The following ADAM23 variants were observed in gnomAD, a reference collection of about 807,000 sequenced individuals.
The protein encoded by ADAM23 is disintegrin and metalloproteinase domain-containing protein 23.
A neutral mutation model predicts 120.1 loss-of-function variants in ADAM23; 33 were observed. The ratio of observed to expected loss-of-function variants is 0.27; its 90% CI spans 0.21 to 0.37. ADAM23 has a LOEUF of 0.37. Ranked by LOEUF, ADAM23 falls within the 10% of genes least tolerant of loss-of-function variation. The pLI is 1.00. For missense variants in ADAM23, 862 were observed against 1,058.2 expected (o/e 0.81, Z 2.57); for synonymous variants, 367 against 375.2 (o/e 0.98, Z 0.25).
chr2:206,449,972 A>T (rs553034873), intron 2 of ADAM23, among the ~76,000 whole-genome samples: 2 of 152,296 alleles, frequency 1.3e-5, no homozygotes, highest in South Asian at 4.1e-4. Flanking sequence ...GAGAAGAGAG[A>T]GAAGTTTAAG....
At chr2:206,500,187 A>G (rs1432502719) in intron 3 of ADAM23, among the ~76,000 whole-genome samples, 3 of 152,232 alleles carry the variant, frequency 2.0e-5, no homozygotes, top group East Asian at 3.9e-4. Flanking sequence ...ATATCAGTGT[A>G]GATGATCTCG....
intron 3 of ADAM23, among the ~76,000 whole-genome samples, chr2:206,517,767 C>G (rs572133223): frequency 3.3e-5 from 5 of 152,148 alleles, no homozygotes; most frequent in Non-Finnish European, 7.3e-5. Flanking sequence ...TTTCTCATAT[C>G]TTCTCTAGTC....
intron 2 of ADAM23, among the ~76,000 whole-genome samples, chr2:206,467,355 A>G (rs1695561899): frequency 6.6e-6 from 1 of 152,266 alleles, no homozygotes; most frequent in Non-Finnish European, 1.5e-5. Flanking sequence ...AGGTACAGGC[A>G]TTTGGTAAAT....
At chr2:206,450,163 T>C (rs1695163357) in intron 2 of ADAM23, among the ~76,000 whole-genome samples, 1 of 152,212 alleles carries the variant, frequency 6.6e-6, no homozygotes, top group Non-Finnish European at 1.5e-5. Context: ...CACACGTTTT[T>C]ACAATTCTGG....
intron 9 of ADAM23, among the ~76,000 whole-genome samples, chr2:206,556,378 A>G (rs1467466663): frequency 6.6e-6 from 1 of 152,196 alleles, no homozygotes; most frequent in Admixed American, 6.5e-5. Context: ...CAAAGGACAA[A>G]TAAAAGAATT....
intron 2 of ADAM23, among the ~76,000 whole-genome samples, chr2:206,474,162 CATG>C (rs1695726454): frequency 6.6e-6 from 1 of 151,904 alleles, no homozygotes; most frequent in Non-Finnish European, 1.5e-5. Flanking sequence ...TAGAAGAAAA[CATG>C]ATAATATTTT....
At chr2:206,469,707 A>G (rs61136505) in intron 2 of ADAM23, among the ~76,000 whole-genome samples, 6,759 of 152,246 alleles carry the variant, frequency 0.044, 510 homozygotes, top group African/African-American at 0.15. Context: ...TTGACGCCTC[A>G]TTGGTTCTGT....
chr2:206,450,542 TA>T (rs1559212076), intron 2 of ADAM23, among the ~76,000 whole-genome samples: 1 of 152,150 alleles, frequency 6.6e-6, no homozygotes, highest in Non-Finnish European at 1.5e-5. Context: ...AATACTCAAG[TA>T]TTTTTGGCAC....
chr2:206,471,339 CAAGTT>C (rs1364708484), intron 2 of ADAM23, among the ~76,000 whole-genome samples: 3 of 152,156 alleles, frequency 2.0e-5, no homozygotes, highest in Non-Finnish European at 2.9e-5. Flanking sequence ...CATAAAGACT[CAAGTT>C]AAAGAACCTT....
chr2:206,526,812 A>G (rs1368837610), intron 3 of ADAM23, among the ~76,000 whole-genome samples: 2 of 152,178 alleles, frequency 1.3e-5, no homozygotes, highest in Non-Finnish European at 2.9e-5. Flanking sequence ...TCATGTTTCA[A>G]TAGTTTTATA....
intron 9 of ADAM23, among the ~76,000 whole-genome samples, chr2:206,552,973 T>C (rs1697563500): frequency 6.6e-6 from 1 of 152,106 alleles, no homozygotes; most frequent in Non-Finnish European, 1.5e-5. Flanking sequence ...TGGCCTATTA[T>C]TACTATTATT....
chr2:206,571,469 C>T (rs757668173), intron 16 of ADAM23, among the ~76,000 whole-genome samples: 15 of 151,396 alleles, frequency 9.9e-5, no homozygotes, highest in East Asian at 1.9e-4. Flanking sequence ...AGCAAGACTC[C>T]GTCTCAAAAA....
At chr2:206,464,977 A>G (rs1695511852) in intron 2 of ADAM23, among the ~76,000 whole-genome samples, 1 of 152,088 alleles carries the variant, frequency 6.6e-6, no homozygotes, top group African/African-American at 2.4e-5. Context: ...ACTGTTTCCT[A>G]CATTGCATCT....
intron 12 of ADAM23, among the ~76,000 whole-genome samples, chr2:206,561,807 C>T (rs1697773347): frequency 6.6e-6 from 1 of 152,124 alleles, no homozygotes; most frequent in African/African-American, 2.4e-5. Flanking sequence ...ACCAGGTTAT[C>T]TCAATAGCCT....
At chr2:206,523,034 G>A (rs1696875686) in intron 3 of ADAM23, among the ~76,000 whole-genome samples, 1 of 152,116 alleles carries the variant, frequency 6.6e-6, no homozygotes, top group Non-Finnish European at 1.5e-5. Context: ...ACCCTCCTCA[G>A]AAGGGAACTC....
Position 206,608,505 on chromosome 2 carries a change from T to C in ADAM23, c.2360-1405T>C, listed in dbSNP as rs554070831. The stretch of plus-strand genomic sequence containing the variant: ...ACTATATGTCAAGTGTTCAGTACTG[T>C]GTCCAGCACATAGTAAGTGCACAAT... On this transcript the variant is annotated intron_variant, in intron 24 of 25. Coordinates refer to ENST00000264377, the MANE Select transcript of ADAM23 (RefSeq NM_003812.4). 8.5e-5 allele frequency among the ~76,000 whole-genome samples: 13 copies of C among 152,340 alleles called. No individual in the cohort carries two copies. The South Asian group carries it at 1.2e-3, about 15-fold the overall frequency.
intron 9 of ADAM23, among the ~76,000 whole-genome samples, chr2:206,551,888 A>G (rs1180176624): frequency 6.6e-6 from 1 of 152,186 alleles, no homozygotes; most frequent in Non-Finnish European, 1.5e-5. Context: ...AAGAAGCAAA[A>G]TTTATCAGAA....
At chr2:206,515,542 T>G (rs1368498468) in intron 3 of ADAM23, among the ~76,000 whole-genome samples, 1 of 152,174 alleles carries the variant, frequency 6.6e-6, no homozygotes, top group Non-Finnish European at 1.5e-5. Flanking sequence ...AATCTTCTGC[T>G]CCTACAGCTC....
intron 2 of ADAM23, among the ~76,000 whole-genome samples, chr2:206,448,239 C>T (rs1695120862): frequency 1.3e-5 from 2 of 152,180 alleles, no homozygotes; most frequent in Non-Finnish European, 2.9e-5. Context: ...GGAGTTTTGA[C>T]ACCTTGGATC....
Sources: gnomAD v4.1 joint callset for allele counts (sites outside exome capture counted in the v4.1 genomes callset) on GRCh38, gnomAD v4.1.1 for gene constraint, MANE v1.5 for transcripts, NCBI Gene and HGNC (gene_info 2026-07-23, HGNC 2026-07-21) for gene names.